TEAD1: variants seen among roughly 807,000 people sequenced by gnomAD.
The protein encoded by TEAD1 is TEA domain transcription factor 1.
TEAD1 carries 9 observed loss-of-function variants against 54.9 expected under a neutral mutation model. The observed-to-expected ratio is 0.16, with a 90% CI of 0.10 to 0.29. The LOEUF (loss-of-function observed/expected upper bound fraction) is 0.29, where lower values mean the gene tolerates loss of function less well. Ranked by LOEUF, TEAD1 falls within the 10% of genes least tolerant of loss-of-function variation. The probability of loss-of-function intolerance (pLI) is 1.00; values close to 1 mark genes in which losing one functional copy is unlikely to be tolerated. For synonymous variants in TEAD1, 200 were observed against 187.8 expected, an observed-to-expected ratio of 1.07 and a Z score of -0.53; for missense variants, 387 against 535.9, an observed-to-expected ratio of 0.72 and a Z score of 2.74.
intron 2 of TEAD1, among the ~76,000 whole-genome samples, chr11:12,681,745 G>T (rs1943226901): frequency 6.6e-6 from 1 of 152,250 alleles, no homozygotes. Flanking sequence ...GCTAGGGCGA[G>T]GCTGTCTGCC....
chr11:12,763,374 A>G (rs1945138580), intron 2 of TEAD1, among the ~76,000 whole-genome samples: 1 of 152,218 alleles, frequency 6.6e-6, no homozygotes, highest in African/African-American at 2.4e-5. Flanking sequence ...CAGGTGTGCT[A>G]GGCACTTGTG....
chr11:12,719,172 T>A (rs1345504025), intron 2 of TEAD1, among the ~76,000 whole-genome samples: 2 of 151,998 alleles, frequency 1.3e-5, no homozygotes, highest in African/African-American at 4.8e-5. Flanking sequence ...CCGCAGCCTG[T>A]GTTTAGCTGA....
intron 10 of TEAD1, among the ~76,000 whole-genome samples, chr11:12,924,514 A>G (rs1192234281): frequency 6.6e-6 from 1 of 152,218 alleles, no homozygotes; most frequent in Non-Finnish European, 1.5e-5. Flanking sequence ...TTGTACATAT[A>G]TGACAAATGG....
chr11:12,934,070 A>G (rs1056328783), intron 12 of TEAD1, among the ~76,000 whole-genome samples: 15 of 152,348 alleles, frequency 9.8e-5, no homozygotes, highest in Admixed American at 9.8e-4. Flanking sequence ...TCATGCTGCT[A>G]TAAAGACACA....
chr11:12,728,741 C>A (rs894885411), intron 2 of TEAD1, among the ~76,000 whole-genome samples: 1 of 152,194 alleles, frequency 6.6e-6, no homozygotes, highest in Non-Finnish European at 1.5e-5. Context: ...AAAATGTAAA[C>A]CTCTCTGAAA....
At chr11:12,774,370 A>G (rs1264373961) in intron 3 of TEAD1, among the ~76,000 whole-genome samples, 1 of 152,188 alleles carries the variant, frequency 6.6e-6, no homozygotes, top group African/African-American at 2.4e-5. Context: ...TGCATTTTTA[A>G]AGAAGGTACC....
intron 3 of TEAD1, among the ~76,000 whole-genome samples, chr11:12,815,769 T>C (rs1203128607): frequency 6.6e-6 from 1 of 152,206 alleles, no homozygotes; most frequent in Non-Finnish European, 1.5e-5. Context: ...AAAGGACAAA[T>C]TTTCTGTGTT....
rs140934413 is a variant in TEAD1, at chr11:12,900,467, A to G, written c.700-1473A>G. 3.0e-4 allele frequency among the ~76,000 whole-genome samples: 45 copies of G among 152,352 alleles called. No individual in the cohort carries two copies. In the Middle Eastern group the frequency reaches 0.017, roughly 58 times the overall value. ...TTGACTGCTTATTCTTGTTAGATCTAGGATCCCTGATGAAGTCTGTGGAGT... is the reference window on the plus strand; with the variant it reads ...TTGACTGCTTATTCTTGTTAGATCTGGGATCCCTGATGAAGTCTGTGGAGT... On this transcript the variant is annotated intron_variant, in intron 9 of 12. Transcript: ENST00000527636.
chr11:12,803,750 C>A (rs569448737), intron 3 of TEAD1, among the ~76,000 whole-genome samples: 1 of 152,304 alleles, frequency 6.6e-6, no homozygotes, highest in Non-Finnish European at 1.5e-5. Flanking sequence ...AAAATGAGGT[C>A]TCCTGTATCC....
chr11:12,736,721 A>C (rs1944540440), intron 2 of TEAD1, among the ~76,000 whole-genome samples: 2 of 152,202 alleles, frequency 1.3e-5, no homozygotes, highest in Non-Finnish European at 1.5e-5. Flanking sequence ...TTATCCATTC[A>C]CAAAGAAATA....
intron 3 of TEAD1, among the ~76,000 whole-genome samples, chr11:12,849,858 A>G (rs1254007914): frequency 6.6e-6 from 1 of 152,216 alleles, no homozygotes; most frequent in African/African-American, 2.4e-5. Context: ...GTGCCCTCTT[A>G]ATGTTAAGAT....
At chr11:12,688,364 A>C (rs1285688511) in intron 2 of TEAD1, among the ~76,000 whole-genome samples, 1 of 152,176 alleles carries the variant, frequency 6.6e-6, no homozygotes, top group Non-Finnish European at 1.5e-5. Context: ...GGTGGGAGGC[A>C]GTGGGGCTGG....
chr11:12,817,260 C>A (rs1235848236), intron 3 of TEAD1, among the ~76,000 whole-genome samples: 1 of 152,162 alleles, frequency 6.6e-6, no homozygotes, highest in African/African-American at 2.4e-5. Context: ...TGAAATAATT[C>A]TTCTAACACC....
intron 9 of TEAD1, among the ~76,000 whole-genome samples, chr11:12,899,550 C>T (rs1262125288): frequency 1.3e-5 from 2 of 152,056 alleles, no homozygotes; most frequent in Non-Finnish European, 2.9e-5. Context: ...AAAGATGTTC[C>T]CTCCTACCCT....
intron 3 of TEAD1, among the ~76,000 whole-genome samples, chr11:12,790,600 G>A (rs980852682): frequency 6.6e-6 from 1 of 152,170 alleles, no homozygotes; most frequent in Admixed American, 6.5e-5. Flanking sequence ...CATATCCCCA[G>A]TATTAAAGAA....
rs3046338 is a variant in TEAD1 at position 12,844,959 on chromosome 11, CTTTTTTTTTTTT to C, written c.203-17278_203-17267del. Among the ~76,000 whole-genome samples the C allele has an allele frequency of 8.3e-4, 54 of 64,678 alleles. 3 individuals carry two copies. The highest frequency in any genetic ancestry group is 1.7e-3 in the East Asian group (3 of 1,740). The allele number at this position is 64,678 out of a possible 152,430, so 42.4% of individuals were successfully genotyped here. A position where few individuals can be genotyped will look rare whatever the true frequency, so the allele number is the denominator to read the frequency against. ...CTGCCCTGATTGACGTGTATGAAAT[CTTTTTTTTTTTT>C]TTTTTTTTTTTTGGAGACAGGGTCT... On this transcript the variant is annotated intron_variant, in intron 3 of 12. Transcript: ENST00000527636.
At chr11:12,879,658 T>C (rs768893788) in intron 5 of TEAD1, 50 bp from the exon 6 acceptor site, 1 of 1,613,710 alleles carries the variant, frequency 6.2e-7, no homozygotes, top group Non-Finnish European at 8.5e-7. Context: ...GTAACCTGCC[T>C]GGTAGCCATG....
At chr11:12,894,772 T>C (rs1304411737) in intron 9 of TEAD1, among the ~76,000 whole-genome samples, 1 of 152,238 alleles carries the variant, frequency 6.6e-6, no homozygotes, top group Admixed American at 6.5e-5. Context: ...AGGGACCGTA[T>C]TGATTTCACA....
intron 3 of TEAD1, among the ~76,000 whole-genome samples, chr11:12,766,094 A>G (rs1945202394): frequency 2.6e-5 from 4 of 152,226 alleles, no homozygotes; most frequent in Admixed American, 2.6e-4. Flanking sequence ...AATGGTTTCA[A>G]TTTAAAACAA....
Sources: allele counts gnomAD v4.1 joint callset (sites outside exome capture counted in the v4.1 genomes callset), GRCh38; gene constraint gnomAD v4.1.1; transcripts MANE v1.5; gene names NCBI Gene and HGNC (gene_info 2026-07-23, HGNC 2026-07-21).